EML5: variants seen among roughly 807,000 people sequenced by gnomAD.
EML5 encodes the protein EMAP like 5, also known as echinoderm microtubule-associated protein-like 5.
In EML5, 120 loss-of-function variants were observed where a neutral mutation model predicts 250.0. The observed-to-expected ratio is 0.48, with a 90% confidence interval of 0.41 to 0.56. EML5 has a LOEUF of 0.56. Ranked by LOEUF, EML5 falls within the 20% of genes least tolerant of loss-of-function variation. EML5 has a pLI of 0.00. For missense variants in EML5, 2,006 were observed against 2,437.6 expected (o/e 0.82, Z 3.73); for synonymous variants, 771 against 806.5 (o/e 0.96, Z 0.75).
At chr14:88,619,453 C>T (rs1206897305) in intron 39 of EML5, 1 of 152,298 alleles carries the variant, frequency 6.6e-6, no homozygotes, top group African/African-American at 2.4e-5. Context: ...AATCCTTCCC[C>T]CTTGGCCTCC....
chr14:88,641,428 CT>C (rs1215420458), intron 31 of EML5, among the ~76,000 whole-genome samples: 2 of 152,134 alleles, frequency 1.3e-5, no homozygotes, highest in Non-Finnish European at 2.9e-5. Flanking sequence ...CAACAAAATA[CT>C]AGCAAACAAA....
At chr14:88,726,736 T>C (rs2093672047) in intron 7 of EML5, 58 bp from the exon 8 acceptor site, 2 of 1,302,168 alleles carry the variant, frequency 1.5e-6, no homozygotes, top group African/African-American at 3.0e-5. Flanking sequence ...TTAGTAAAAA[T>C]ATTTTGGTTA....
intron 23 of EML5, among the ~76,000 whole-genome samples, chr14:88,663,408 G>A (rs1207837274): frequency 1.3e-5 from 2 of 151,978 alleles, no homozygotes; most frequent in African/African-American, 4.8e-5. Context: ...TTTTTAAAGT[G>A]TATCTGTTTA....
chr14:88,684,554 T>G (rs2092788064), intron 20 of EML5, among the ~76,000 whole-genome samples: 1 of 151,570 alleles, frequency 6.6e-6, no homozygotes. Flanking sequence ...CTTAGAAACT[T>G]AAGAATGGCC....
At chr14:88,786,612 G>A (rs2094553608) in intron 1 of EML5, among the ~76,000 whole-genome samples, 1 of 152,198 alleles carries the variant, frequency 6.6e-6, no homozygotes, top group African/African-American at 2.4e-5. Context: ...ATTCCCATGT[G>A]TTGTGGGAGG....
At chr14:88,701,556 G>T (rs1404159909) in intron 14 of EML5, among the ~76,000 whole-genome samples, 1 of 152,110 alleles carries the variant, frequency 6.6e-6, no homozygotes, top group Non-Finnish European at 1.5e-5. Context: ...GAGAGAAAGA[G>T]CAAGTAAGGA....
In EML5 at chr14:88,661,792, A is replaced by T; in HGVS notation, c.3537T>A (p.Leu1179=). ...GCCAAATTCCTTCACAGCATAAACCAAGTACACTTGTCCATGATGCCCAAG... is the reference window on the plus strand; with the variant it reads ...GCCAAATTCCTTCACAGCATAAACCTAGTACACTTGTCCATGATGCCCAAG... The part of the protein sequence containing the change: ...KIAWASWTSV[L]GLCCEGIWPV... Residue 1179 remains leucine, a synonymous_variant, in exon 25 of 44, where the codon CTT becomes CTA. Coordinates refer to ENST00000554922, the MANE Select transcript of EML5 (RefSeq NM_183387.3). 1 of 1,613,216 alleles carries T rather than the reference A, an allele frequency of 6.2e-7. No individual in the cohort carries two copies. The highest frequency in any genetic ancestry group is 8.5e-7 in the Non-Finnish European group (1 of 1,179,572).
intron 1 of EML5, among the ~76,000 whole-genome samples, chr14:88,781,465 A>G (rs1307302627): frequency 1.3e-5 from 2 of 152,206 alleles, no homozygotes; most frequent in Non-Finnish European, 2.9e-5. Flanking sequence ...AACAATACCA[A>G]TGATACTACC....
intron 35 of EML5, chr14:88,626,259 G>C (rs1312064337): frequency 6.6e-6 from 1 of 152,192 alleles, no homozygotes; most frequent in East Asian, 1.9e-4. Flanking sequence ...AGAAATTTTA[G>C]GATATTTAGG....
intron 23 of EML5, 57 bp downstream of exon 23, chr14:88,664,436 T>C (rs757936195): frequency 6.3e-6 from 9 of 1,437,962 alleles, no homozygotes; most frequent in Non-Finnish European, 7.5e-6. Context: ...TTCTCTAATA[T>C]AGCTATACTA....
At chr14:88,754,474 A>T (rs1295084986) in intron 2 of EML5, 38 bp downstream of exon 2, 1 of 1,534,736 alleles carries the variant, frequency 6.5e-7, no homozygotes, top group African/African-American at 1.4e-5. Context: ...ATATACCTTA[A>T]CATACAATTT....
intron 4 of EML5, 77 bp from the exon 5 acceptor site, chr14:88,740,649 C>T (rs2140247163): frequency 7.7e-7 from 1 of 1,299,430 alleles, no homozygotes; most frequent in Non-Finnish European, 1.1e-6. Context: ...TACTTTGATG[C>T]TATATTAGAG....
At chr14:88,672,567 T>C (rs757275729) in intron 21 of EML5, among the ~76,000 whole-genome samples, 5 of 151,106 alleles carry the variant, frequency 3.3e-5, no homozygotes, top group African/African-American at 7.3e-5. Flanking sequence ...CTGAAGGAGA[T>C]AGAGACACGA....
At chr14:88,685,197 G>C in intron 19 of EML5, 55 bp from the exon 20 acceptor site, 3 of 1,416,620 alleles carry the variant, frequency 2.1e-6, no homozygotes, top group South Asian at 3.0e-5. Flanking sequence ...TAATACAACA[G>C]TGTATATATT....
intron 21 of EML5, among the ~76,000 whole-genome samples, chr14:88,668,643 G>A (rs1329496233): frequency 2.0e-5 from 3 of 152,076 alleles, no homozygotes; most frequent in Non-Finnish European, 4.4e-5. Flanking sequence ...AAAGAGGGAA[G>A]AGAAACAGAA....
intron 21 of EML5, among the ~76,000 whole-genome samples, chr14:88,679,889 G>C (rs1393535384): frequency 6.6e-6 from 1 of 152,088 alleles, no homozygotes; most frequent in Non-Finnish European, 1.5e-5. Context: ...GTATAGTATA[G>C]TGTAGCGTAT....
intron 1 of EML5, among the ~76,000 whole-genome samples, chr14:88,775,061 T>C (rs538754339): frequency 1.3e-5 from 2 of 152,286 alleles, no homozygotes; most frequent in Non-Finnish European, 1.5e-5. Flanking sequence ...CTGGCAGCAT[T>C]CACCACCTGC....
At chr14:88,664,412 A>C in intron 23 of EML5, 81 bp downstream of exon 23, 1 of 1,186,686 alleles carries the variant, frequency 8.4e-7, no homozygotes, top group Admixed American at 3.2e-5. Context: ...TCATCTGTTG[A>C]ATCACTTTTC....
At chr14:88,669,908 G>T (rs1337654898) in intron 21 of EML5, among the ~76,000 whole-genome samples, 1 of 152,174 alleles carries the variant, frequency 6.6e-6, no homozygotes, top group Non-Finnish European at 1.5e-5. Context: ...TACCTTTACT[G>T]TTTTGCAGCC....
Sources: allele counts gnomAD v4.1 joint callset (sites outside exome capture counted in the v4.1 genomes callset), GRCh38; gene constraint gnomAD v4.1.1; transcripts MANE v1.5; gene names NCBI Gene and HGNC (gene_info 2026-07-23, HGNC 2026-07-21).